Variants in MRPL1 observed in about 807,000 individuals in gnomAD.
MRPL1 encodes the protein mitochondrial ribosomal protein L1.
MRPL1 carries 28 observed loss-of-function variants against 38.0 expected under a neutral mutation model. That is an observed-to-expected ratio of 0.74 (90% confidence interval 0.55 to 1.01). The LOEUF is 1.01. MRPL1 is among the 50% of genes least tolerant of loss of function. The probability of loss-of-function intolerance (pLI) is 0.00; values close to 1 mark genes in which losing one functional copy is unlikely to be tolerated. For synonymous variants in MRPL1, 123 were observed against 126.7 expected (o/e 0.97, Z 0.20); for missense variants, 358 against 389.8 (o/e 0.92, Z 0.69).
chr4:77,935,164 T>C (rs899337849), intron 7 of MRPL1, among the ~76,000 whole-genome samples: 1 of 152,124 alleles, frequency 6.6e-6, no homozygotes, highest in Non-Finnish European at 1.5e-5. Context: ...AGAAATCACA[T>C]GAGGGAATTT....
intron 5 of MRPL1, among the ~76,000 whole-genome samples, chr4:77,887,861 T>C (rs1044595169): frequency 1.3e-5 from 2 of 151,862 alleles, no homozygotes; most frequent in African/African-American, 4.8e-5. Context: ...ATTATTGTGA[T>C]TATTATTATT....
chr4:77,865,128 G>T (rs1429693878), intron 1 of MRPL1, among the ~76,000 whole-genome samples: 1 of 151,696 alleles, frequency 6.6e-6, no homozygotes, highest in Non-Finnish European at 1.5e-5. Context: ...GATCTCAAGT[G>T]ATCCACTCAC....
At chr4:77,902,015 A>G (rs1341924384) in intron 6 of MRPL1, among the ~76,000 whole-genome samples, 1 of 152,228 alleles carries the variant, frequency 6.6e-6, no homozygotes, top group East Asian at 1.9e-4. Flanking sequence ...ATGTGTTCTG[A>G]TTTGCAACTG....
intron 1 of MRPL1, among the ~76,000 whole-genome samples, chr4:77,867,257 A>T (rs1264235200): frequency 6.6e-6 from 1 of 152,246 alleles, no homozygotes; most frequent in East Asian, 1.9e-4. Context: ...CAGCAGTGCT[A>T]GCACATGTTT....
intron 5 of MRPL1, among the ~76,000 whole-genome samples, chr4:77,891,094 T>C (rs1005882210): frequency 3.9e-5 from 6 of 152,148 alleles, no homozygotes; most frequent in African/African-American, 1.4e-4. Flanking sequence ...GAGTATGCTT[T>C]AATACAGGTT....
At chr4:77,880,820 GC>G (rs899290321) in intron 2 of MRPL1, among the ~76,000 whole-genome samples, 2 of 152,012 alleles carry the variant, frequency 1.3e-5, no homozygotes, top group African/African-American at 2.4e-5. Context: ...ATTTATCATT[GC>G]CCACATATCT....
intron 7 of MRPL1, among the ~76,000 whole-genome samples, chr4:77,921,003 C>A (rs1462953750): frequency 6.6e-6 from 1 of 152,160 alleles, no homozygotes; most frequent in Non-Finnish European, 1.5e-5. Flanking sequence ...AAGTGATCTG[C>A]CCACGGTCGC....
At chr4:77,917,983 AG>A (rs1425101771) in intron 7 of MRPL1, among the ~76,000 whole-genome samples, 1 of 149,558 alleles carries the variant, frequency 6.7e-6, no homozygotes, top group East Asian at 2.0e-4. Context: ...TTAACCTGGG[AG>A]GCGGAGGTTG....
chr4:77,894,181 C>A lies in MRPL1; in HGVS notation c.601C>A (p.Pro201Thr). 3 of 1,604,072 alleles carry A rather than the reference C, an allele frequency of 1.9e-6. No homozygotes were observed. Among genetic ancestry groups the A allele is most frequent in the Admixed American group, 1.7e-5 (1 of 58,414 alleles). ...TGTTGCAGACTTTTACGTAGCTGTT[C>A]CAGAAATAATGCCTGAACTTAATCG... is the stretch of plus-strand genomic sequence containing the variant. ...EIVADFYVAV[P>T]EIMPELNRLR... The change falls in exon 6 of 9, where the codon CCA becomes ACA. Residue 201 changes from proline (P) to threonine (T), a missense_variant. Pro to Thr is a conservative substitution (Grantham distance 38, BLOSUM62 -1). Coordinates refer to ENST00000315567, the MANE Select transcript of MRPL1 (RefSeq NM_020236.4).
chr4:77,866,810 C>T (rs1024160845), intron 1 of MRPL1, among the ~76,000 whole-genome samples: 1 of 150,650 alleles, frequency 6.6e-6, no homozygotes, highest in African/African-American at 2.4e-5. Context: ...TGCAATGGCG[C>T]GATCTCGGCT....
intron 6 of MRPL1, among the ~76,000 whole-genome samples, chr4:77,895,007 G>GCCC (rs2110241011): frequency 6.6e-6 from 1 of 152,206 alleles, no homozygotes; most frequent in East Asian, 1.9e-4. Context: ...GTGGGGAGTG[G>GCCC]TACCCCTACA....
At chr4:77,935,440 G>A (rs1736945702) in intron 7 of MRPL1, among the ~76,000 whole-genome samples, 1 of 151,976 alleles carries the variant, frequency 6.6e-6, no homozygotes, top group Admixed American at 6.6e-5. Context: ...TCTCGCCCAG[G>A]CTGGAGTGCA....
At chr4:77,932,001 G>A (rs1736855712) in intron 7 of MRPL1, among the ~76,000 whole-genome samples, 1 of 152,196 alleles carries the variant, frequency 6.6e-6, no homozygotes, top group East Asian at 1.9e-4. Flanking sequence ...ACTGGCCAGA[G>A]TTTTTGAGTT....
At chr4:77,933,160 G>A (rs1736885800) in intron 7 of MRPL1, among the ~76,000 whole-genome samples, 1 of 152,068 alleles carries the variant, frequency 6.6e-6, no homozygotes, top group African/African-American at 2.4e-5. Flanking sequence ...TGCTCAGGCT[G>A]GCCTCGAACT....
At chr4:77,922,677 T>C (rs1389255356) in intron 7 of MRPL1, among the ~76,000 whole-genome samples, 1 of 152,172 alleles carries the variant, frequency 6.6e-6, no homozygotes, top group South Asian at 2.1e-4. Context: ...ACTGATTGAA[T>C]GGATATGAGG....
At chr4:77,896,362 CT>C (rs1014563904) in intron 6 of MRPL1, among the ~76,000 whole-genome samples, 11 of 152,148 alleles carry the variant, frequency 7.2e-5, no homozygotes, top group Non-Finnish European at 1.6e-4. Flanking sequence ...TTTTTCCCCC[CT>C]ATTTGCGTAG....
At chr4:77,883,555 G>A (rs1735599718) in intron 3 of MRPL1, 55 bp downstream of exon 3, 2 of 1,446,448 alleles carry the variant, frequency 1.4e-6, no homozygotes, top group South Asian at 1.5e-5. Context: ...GTATGAATTG[G>A]TGTTTCTTTA....
At chr4:77,905,273 G>T (rs1483401929) in intron 6 of MRPL1, among the ~76,000 whole-genome samples, 1 of 152,006 alleles carries the variant, frequency 6.6e-6, no homozygotes, top group Admixed American at 6.6e-5. Context: ...GAGGCAGGAG[G>T]ATCACCTGAG....
intron 6 of MRPL1, 121 bp from the exon 7 acceptor site, chr4:77,909,145 C>A: frequency 1.4e-6 from 1 of 708,426 alleles, no homozygotes; most frequent in Non-Finnish European, 2.5e-6. Flanking sequence ...CTCTTTGGAA[C>A]TAAAGTTTAT....
Sources: allele counts gnomAD v4.1 joint callset (sites outside exome capture counted in the v4.1 genomes callset), GRCh38; gene constraint gnomAD v4.1.1; transcripts MANE v1.5; gene names NCBI Gene and HGNC (gene_info 2026-07-23, HGNC 2026-07-21).